The following IL1RAPL1 variants were observed in gnomAD, a reference collection of about 807,000 sequenced individuals.
IL1RAPL1 encodes interleukin 1 receptor accessory protein like 1.
In IL1RAPL1, 3 loss-of-function variants were observed where a neutral mutation model predicts 48.4. The ratio of observed to expected loss-of-function variants is 0.06; its 90% CI spans 0.03 to 0.16. The LOEUF (loss-of-function observed/expected upper bound fraction) is 0.16, where lower values mean the gene tolerates loss of function less well. Among genes scored for constraint, IL1RAPL1 ranks in the 10% least tolerant of loss-of-function variants. The pLI is 1.00. For missense variants in IL1RAPL1, 349 were observed against 530.6 expected, an observed-to-expected ratio of 0.66 and a Z score of 3.36; for synonymous variants, 185 against 187.7, an observed-to-expected ratio of 0.99 and a Z score of 0.12.
intron 1 of IL1RAPL1, among the ~76,000 whole-genome samples, chrX:28,734,693 A>G (rs1415116849): frequency 9.0e-6 from 1 of 110,722 alleles, no homozygotes; most frequent in Non-Finnish European, 1.9e-5. Context: ...CCATTTACTT[A>G]TTTGTTATGC....
intron 2 of IL1RAPL1, among the ~76,000 whole-genome samples, chrX:29,023,346 T>C (rs1050186390): frequency 3.6e-5 from 4 of 112,379 alleles, no homozygotes; most frequent in African/African-American, 1.3e-4. Flanking sequence ...AATGCATTAT[T>C]AGGATGTTGG....
At chrX:29,007,971 T>A (rs1926022975) in intron 2 of IL1RAPL1, among the ~76,000 whole-genome samples, 1 of 111,729 alleles carries the variant, frequency 9.0e-6, no homozygotes, top group Non-Finnish European at 1.9e-5. Context: ...ATTTGATATA[T>A]TCAGAATGGT....
At chrX:28,620,784 A>T (rs748722722) in intron 1 of IL1RAPL1, among the ~76,000 whole-genome samples, 1 of 112,189 alleles carries the variant, frequency 8.9e-6, no homozygotes, top group African/African-American at 3.2e-5. Context: ...AAGAGTCTGA[A>T]AATATTTAGA....
At chrX:29,299,930 A>G (rs978341537) in intron 3 of IL1RAPL1, among the ~76,000 whole-genome samples, 1 of 111,563 alleles carries the variant, frequency 9.0e-6, no homozygotes, top group African/African-American at 3.3e-5. Context: ...GCAGTGAATG[A>G]GTTCTTGCTT....
chrX:28,946,784 C>G (rs1007718795), intron 2 of IL1RAPL1, among the ~76,000 whole-genome samples: 2 of 111,441 alleles, frequency 1.8e-5, no homozygotes, highest in Non-Finnish European at 3.8e-5. Flanking sequence ...ATGTTTTGAT[C>G]ATCTGCAGCA....
intron 3 of IL1RAPL1, among the ~76,000 whole-genome samples, chrX:29,313,444 G>A (rs2147620627): frequency 8.9e-6 from 1 of 111,926 alleles, no homozygotes; most frequent in South Asian, 3.7e-4. Context: ...CCCTCCCCCA[G>A]ATAATACTCT....
chrX:29,904,171 G>A (rs761246964), intron 6 of IL1RAPL1, among the ~76,000 whole-genome samples: 3 of 111,060 alleles, frequency 2.7e-5, no homozygotes, highest in Non-Finnish European at 3.8e-5. Context: ...GAGTTTTTTC[G>A]ATATCTAAAT....
At chrX:28,724,931 C>G (rs757098025) in intron 1 of IL1RAPL1, among the ~76,000 whole-genome samples, 1 of 107,392 alleles carries the variant, frequency 9.3e-6, no homozygotes, top group African/African-American at 3.4e-5. Flanking sequence ...GACTTGACGT[C>G]TACCTCCAAC....
chrX:29,227,869 A>C (rs2147555001), intron 2 of IL1RAPL1, among the ~76,000 whole-genome samples: 1 of 111,340 alleles, frequency 9.0e-6, no homozygotes, highest in African/African-American at 3.3e-5. Context: ...CTTCATGATT[A>C]CATTGTTTAA....
intron 6 of IL1RAPL1, among the ~76,000 whole-genome samples, chrX:29,819,833 G>A (rs758952324): frequency 3.0e-4 from 31 of 103,357 alleles, no homozygotes; most frequent in Non-Finnish European, 5.7e-4. Flanking sequence ...TTAAGAGTGG[G>A]TTTCCATCAA....
In IL1RAPL1 at chrX:29,064,824, A is replaced by G. The variant is rs927709625; in HGVS notation, c.83-218114A>G. On this transcript the variant is annotated intron_variant, in intron 2 of 10. Coordinates refer to ENST00000378993, the MANE Select transcript of IL1RAPL1 (RefSeq NM_014271.4). Reference sequence around the variant, plus strand: ...TCTCAATCTCCTGACCTCCTGTTCCACCTGCCTTGGCCTCCCACAATGCCG... The same window carrying G: ...TCTCAATCTCCTGACCTCCTGTTCCGCCTGCCTTGGCCTCCCACAATGCCG... 6.3e-5 allele frequency among the ~76,000 whole-genome samples: 7 copies of G among 111,843 alleles called. No homozygotes were observed. The Admixed American group carries it at 6.6e-4, about 11-fold the overall frequency.
intron 6 of IL1RAPL1, among the ~76,000 whole-genome samples, chrX:29,904,431 T>C (rs940468317): frequency 1.8e-5 from 2 of 111,213 alleles, no homozygotes; most frequent in African/African-American, 6.6e-5. Context: ...TAGGTATACA[T>C]GTGCCATGGT....
chrX:29,514,142 G>A (rs1048064674), intron 5 of IL1RAPL1, among the ~76,000 whole-genome samples: 3 of 111,292 alleles, frequency 2.7e-5, no homozygotes, highest in Admixed American at 9.5e-5. Flanking sequence ...ATAATTTATC[G>A]TAAAAATTAT....
At chrX:28,885,605 G>A (rs764652485) in intron 2 of IL1RAPL1, among the ~76,000 whole-genome samples, 32 of 111,534 alleles carry the variant, frequency 2.9e-4, no homozygotes, top group Admixed American at 2.5e-3. Context: ...CTTGAACACC[G>A]TAGTATTTAT....
chrX:29,571,488 G>A (rs1384114648), intron 5 of IL1RAPL1, among the ~76,000 whole-genome samples: 1 of 111,075 alleles, frequency 9.0e-6, no homozygotes, highest in African/African-American at 3.3e-5. Flanking sequence ...TGATATTAAA[G>A]AAAATATAGT....
intron 8 of IL1RAPL1, among the ~76,000 whole-genome samples, chrX:29,936,696 C>T (rs1223163018): frequency 1.8e-5 from 2 of 111,424 alleles, no homozygotes; most frequent in African/African-American, 6.5e-5. Flanking sequence ...ACACCAGGTA[C>T]AGGCCAAGAA....
chrX:29,646,705 C>T (rs1925335988), intron 5 of IL1RAPL1, among the ~76,000 whole-genome samples: 1 of 107,119 alleles, frequency 9.3e-6, no homozygotes, highest in Admixed American at 1.0e-4. Context: ...ATTATATACA[C>T]AGCAAGAAAA....
chrX:29,340,772 A>G (rs2147645225), intron 3 of IL1RAPL1, among the ~76,000 whole-genome samples: 1 of 112,023 alleles, frequency 8.9e-6, no homozygotes, highest in South Asian at 3.7e-4. Flanking sequence ...AAGCAACATA[A>G]CACAAGGATG....
At chrX:29,046,985 G>A (rs904403654) in intron 2 of IL1RAPL1, among the ~76,000 whole-genome samples, 1 of 112,003 alleles carries the variant, frequency 8.9e-6, no homozygotes, top group Non-Finnish European at 1.9e-5. Context: ...ATGTATCCAA[G>A]AACCCAGAAC....
Sources: allele counts gnomAD v4.1 joint callset (sites outside exome capture counted in the v4.1 genomes callset), GRCh38; gene constraint gnomAD v4.1.1; transcripts MANE v1.5; gene names NCBI Gene and HGNC (gene_info 2026-07-23, HGNC 2026-07-21).